Variants in PKN2 observed in about 807,000 individuals in gnomAD.
PKN2 encodes serine/threonine-protein kinase N2.
In PKN2, 38 loss-of-function variants were observed where a neutral mutation model predicts 119.1. The observed-to-expected ratio is 0.32, with a 90% confidence interval of 0.25 to 0.42. PKN2 has a LOEUF of 0.42. Among genes scored for constraint, PKN2 ranks in the 10% least tolerant of loss-of-function variants. PKN2 has a pLI of 1.00. For synonymous variants in PKN2, 390 were observed against 384.9 expected, an observed-to-expected ratio of 1.01 and a Z score of -0.15; for missense variants, 850 against 1,165.1, an observed-to-expected ratio of 0.73 and a Z score of 3.94.
chr1:88,684,950 C>G, intron 1 of PKN2: 2 of 301,980 alleles, frequency 6.6e-6, no homozygotes, highest in Non-Finnish European at 1.2e-5. Flanking sequence ...CGCCCCCTCC[C>G]TCGGTGTCAG....
intron 4 of PKN2, among the ~76,000 whole-genome samples, chr1:88,771,209 CT>C (rs1385160674): frequency 6.6e-6 from 1 of 151,926 alleles, no homozygotes; most frequent in East Asian, 1.9e-4. Flanking sequence ...GCTCTAAAAT[CT>C]TTTTTTCAGA....
At chr1:88,688,503 C>T (rs1458231011) in intron 1 of PKN2, among the ~76,000 whole-genome samples, 1 of 152,178 alleles carries the variant, frequency 6.6e-6, no homozygotes, top group Non-Finnish European at 1.5e-5. Context: ...CCAACATTAA[C>T]TTTACACTAC....
intron 8 of PKN2, among the ~76,000 whole-genome samples, chr1:88,799,894 C>G (rs1161927306): frequency 6.6e-6 from 1 of 152,180 alleles, no homozygotes; most frequent in Non-Finnish European, 1.5e-5. Context: ...AGGACCCTCA[C>G]TGATAAATTT....
In PKN2 at chr1:88,764,111, G is replaced by C. The variant is rs189303869; in HGVS notation, c.504+3735G>C. On this transcript the variant is annotated intron_variant, in intron 3 of 21. Coordinates refer to ENST00000370521, the MANE Select transcript of PKN2 (RefSeq NM_006256.4). Reference sequence around the variant, plus strand: ...GGACAAAATCCAAAATTCTTATTCTGACTCTGGAAATCTATAGCTTCTGAT... The same window carrying C: ...GGACAAAATCCAAAATTCTTATTCTCACTCTGGAAATCTATAGCTTCTGAT... Among the ~76,000 whole-genome samples, 16 of 152,224 alleles carry C rather than the reference G, an allele frequency of 1.1e-4. No homozygotes were observed. The East Asian group carries it at 2.5e-3, about 24-fold the overall frequency.
At chr1:88,768,864 G>A (rs1669771125) in intron 3 of PKN2, among the ~76,000 whole-genome samples, 1 of 152,166 alleles carries the variant, frequency 6.6e-6, no homozygotes, top group South Asian at 2.1e-4. Context: ...GATGGTGCTG[G>A]CATGTGCTTC....
chr1:88,742,808 C>G (rs1287627744), intron 2 of PKN2, among the ~76,000 whole-genome samples: 2 of 152,030 alleles, frequency 1.3e-5, no homozygotes, highest in Non-Finnish European at 2.9e-5. Flanking sequence ...TCACAGAATA[C>G]TGATAACTAC....
chr1:88,803,220 G>A (rs3767386), intron 8 of PKN2, among the ~76,000 whole-genome samples: 16,976 of 152,002 alleles, frequency 0.11, 1,967 homozygotes, highest in African/African-American at 0.3. Flanking sequence ...CTGTTTGACT[G>A]TGAAACCCTC....
intron 8 of PKN2, 151 bp from the exon 9 acceptor site, chr1:88,804,240 A>G (rs1428394447): frequency 3.3e-6 from 2 of 614,214 alleles, no homozygotes; most frequent in Non-Finnish European, 5.6e-6. Flanking sequence ...CAGTTGAGAA[A>G]TGTTACAAAC....
intron 16 of PKN2, among the ~76,000 whole-genome samples, chr1:88,819,223 T>C (rs1672143154): frequency 6.6e-6 from 1 of 152,082 alleles, no homozygotes; most frequent in South Asian, 2.1e-4. Flanking sequence ...GAAACTGTCG[T>C]CAGAGTGAAC....
rs375514740 is a variant in PKN2, at chr1:88,826,651, T to C, written c.2420-1830T>C. Among the ~76,000 whole-genome samples the C allele has an allele frequency of 3.3e-5, 5 of 152,096 alleles. No individual in the cohort carries two copies. The South Asian group carries it at 1.0e-3, about 31-fold the overall frequency. On this transcript the variant is annotated intron_variant, in intron 18 of 21. Coordinates refer to ENST00000370521, the MANE Select transcript of PKN2 (RefSeq NM_006256.4). The stretch of plus-strand genomic sequence containing the variant: ...CACTGGTAGATGGTATTATTAACTC[T>C]CATATACAGATGAAGAAACCTAGAA...
chr1:88,684,510 C>G lies in PKN2; in HGVS notation c.-71C>G. On this transcript the variant is annotated 5_prime_UTR_variant, in exon 1 of 22. Transcript: ENST00000370521. Reference sequence around the variant, plus strand: ...CTCTCCCCTCTCCTCACCCCCACCCCGAGCCCCGTCCCGCCTTCTCCCTTC... The same window carrying G: ...CTCTCCCCTCTCCTCACCCCCACCCGGAGCCCCGTCCCGCCTTCTCCCTTC... 7.2e-7 allele frequency: 1 copy of G among 1,397,166 alleles called. No individual in the cohort carries two copies. The highest frequency in any genetic ancestry group is 1.2e-5 in the South Asian group (1 of 80,706). 86.5% of individuals were successfully genotyped at this position (1,397,166 alleles called of 1,614,324 possible).
At chr1:88,756,507 TA>T (rs1445436011) in intron 2 of PKN2, among the ~76,000 whole-genome samples, 1 of 152,166 alleles carries the variant, frequency 6.6e-6, no homozygotes, top group Admixed American at 6.6e-5. Flanking sequence ...CATCCTAGGC[TA>T]AATACACCAT....
intron 4 of PKN2, among the ~76,000 whole-genome samples, chr1:88,770,970 A>G (rs918025198): frequency 1.3e-5 from 2 of 150,520 alleles, no homozygotes; most frequent in African/African-American, 4.9e-5. Context: ...TCAAGAAGAT[A>G]TTGATCTAGA....
intron 6 of PKN2, among the ~76,000 whole-genome samples, chr1:88,777,239 T>G (rs1393819501): frequency 2.0e-5 from 3 of 152,114 alleles, no homozygotes; most frequent in Non-Finnish European, 4.4e-5. Context: ...TTCCAGAATT[T>G]CTGTTTGGTT....
rs568422384 is a variant in PKN2 at position 88,692,761 on chromosome 1, T to C, written c.48+8133T>C. On this transcript the variant is annotated intron_variant, in intron 1 of 21. Coordinates refer to ENST00000370521, the MANE Select transcript of PKN2 (RefSeq NM_006256.4). ...TGCTTATGTTAATCCTCTGTGTACA[T>C]TGTGAATGTCTTCTTTCAGTTCCTA... Among the ~76,000 whole-genome samples the C allele has an allele frequency of 6.6e-5, 10 of 152,334 alleles. No individual in the cohort carries two copies. In the East Asian group the frequency reaches 1.9e-3, roughly 29 times the overall value.
chr1:88,822,287 A>T (rs999992411), intron 17 of PKN2, among the ~76,000 whole-genome samples: 1 of 152,188 alleles, frequency 6.6e-6, no homozygotes, highest in Admixed American at 6.5e-5. Flanking sequence ...AATATTTTGC[A>T]TTCAAACGAC....
chr1:88,789,925 C>T (rs1670746615), intron 8 of PKN2, among the ~76,000 whole-genome samples: 1 of 150,878 alleles, frequency 6.6e-6, no homozygotes, highest in Non-Finnish European at 1.5e-5. Flanking sequence ...ATTATATTTC[C>T]TTTTTAATAC....
chr1:88,832,685 G>A (rs1672780267), intron 19 of PKN2, 59 bp from the exon 20 acceptor site: 2 of 865,502 alleles, frequency 2.3e-6, no homozygotes, highest in Non-Finnish European at 3.7e-6. Flanking sequence ...CTTTGAATGG[G>A]TGATAAGATT....
intron 1 of PKN2, among the ~76,000 whole-genome samples, chr1:88,687,647 T>G (rs1666156961): frequency 6.6e-6 from 1 of 152,178 alleles, no homozygotes; most frequent in African/African-American, 2.4e-5. Flanking sequence ...AATAAAGTGT[T>G]GGTCTGGGAA....
Sources: allele counts gnomAD v4.1 joint callset (sites outside exome capture counted in the v4.1 genomes callset), GRCh38; gene constraint gnomAD v4.1.1; transcripts MANE v1.5; gene names NCBI Gene and HGNC (gene_info 2026-07-23, HGNC 2026-07-21).